The following CYP20A1 variants were observed in gnomAD, a reference collection of about 807,000 sequenced individuals.
The protein encoded by CYP20A1 is cytochrome P450 20A1.
In CYP20A1, 61 loss-of-function variants were observed where a neutral mutation model predicts 61.4. The ratio of observed to expected loss-of-function variants is 0.99; its 90% CI spans 0.81 to 1.23. The LOEUF (loss-of-function observed/expected upper bound fraction) is 1.23. Among genes scored for constraint, CYP20A1 ranks in the 50% most tolerant of loss-of-function variants. The pLI is 0.00. For synonymous variants in CYP20A1, 193 were observed against 188.2 expected, an observed-to-expected ratio of 1.03 and a Z score of -0.21; for missense variants, 530 against 542.4, an observed-to-expected ratio of 0.98 and a Z score of 0.23.
At position 203,290,706 on chromosome 2, in the gene CYP20A1, A is replaced by G. The variant is rs111564072; in HGVS notation, c.1083+830A>G. 7.4e-4 allele frequency among the ~76,000 whole-genome samples: 112 copies of G among 151,972 alleles called. 2 individuals carry two copies. The highest frequency in any genetic ancestry group is 3.4e-3 in the Middle Eastern group (1 of 292). On this transcript the variant is annotated intron_variant, in intron 10 of 12. Transcript: ENST00000356079. ...CACCCATCCTGGAGTGCAGTTGTGCAATCTTGGCTCACTGCAACCTCCGCC... is the reference window on the plus strand; with the variant it reads ...CACCCATCCTGGAGTGCAGTTGTGCGATCTTGGCTCACTGCAACCTCCGCC...
chr2:203,293,499 G>A lies in CYP20A1; in HGVS notation c.1148+1173G>A, dbSNP rs1019357461. ...CAAAGTGCAGGATTACAGCCACTGC[G>A]CCCGGCCTCTTTTTTTTTTTTTTCC... is the stretch of plus-strand genomic sequence containing the variant. On this transcript the variant is annotated intron_variant, in intron 11 of 12. Transcript: ENST00000356079. Among the ~76,000 whole-genome samples, 37 of 89,896 alleles carry A rather than the reference G, an allele frequency of 4.1e-4. No individual in the cohort carries two copies. The Admixed American group carries it at 4.7e-3, about 11-fold the overall frequency. 59.0% of individuals were successfully genotyped at this position (89,896 alleles called of 152,430 possible).
chr2:203,245,963 A>C lies in CYP20A1; in HGVS notation c.122+68A>C. The C allele has an allele frequency of 5.6e-6, 6 of 1,075,866 alleles. No homozygotes were observed. In the South Asian group the frequency reaches 7.4e-5, roughly 13 times the overall value. The allele number at this position is 1,075,866 out of a possible 1,614,324, so 66.6% of individuals were successfully genotyped here. The stretch of plus-strand genomic sequence containing the variant: ...ATTATTGATATCAAGACTAAACCAT[A>C]TTTTTAGCCAATCATGGTAGCTGTT... On this transcript the variant is annotated intron_variant, in intron 2 of 12. Transcript: ENST00000356079.
intron 3 of CYP20A1, among the ~76,000 whole-genome samples, chr2:203,249,880 C>CA (rs1199034055): frequency 6.6e-6 from 1 of 152,014 alleles, no homozygotes; most frequent in Non-Finnish European, 1.5e-5. Flanking sequence ...GAAAAATGGG[C>CA]AAAAACAAGC....
intron 1 of CYP20A1, among the ~76,000 whole-genome samples, chr2:203,242,702 G>T (rs997483215): frequency 6.6e-6 from 1 of 151,900 alleles, no homozygotes; most frequent in Non-Finnish European, 1.5e-5. Context: ...GAAGCAGGAG[G>T]ATCGCTTGAG....
At chr2:203,253,802 C>CT (rs1274643428) in intron 4 of CYP20A1, among the ~76,000 whole-genome samples, 32 of 145,930 alleles carry the variant, frequency 2.2e-4, no homozygotes, top group Middle Eastern at 3.6e-3. Context: ...TTTTCTTTTT[C>CT]TTTTTTTTTT....
chr2:203,264,025 A>G (rs1480513963), intron 4 of CYP20A1, among the ~76,000 whole-genome samples: 3 of 151,668 alleles, frequency 2.0e-5, no homozygotes, highest in Non-Finnish European at 4.4e-5. Context: ...TGTTTTAGAG[A>G]CATTTCTTGC....
At position 203,304,267 on chromosome 2, in the gene CYP20A1, G is replaced by C. The variant is rs941252588; in HGVS notation, c.*7359G>C. Among the ~76,000 whole-genome samples, 3 of 152,054 alleles carry C rather than the reference G, an allele frequency of 2.0e-5. No homozygotes were observed. Among genetic ancestry groups the C allele is most frequent in the African/African-American group, 7.2e-5 (3 of 41,406 alleles). On this transcript the variant is annotated 3_prime_UTR_variant, in exon 13 of 13. Coordinates refer to ENST00000356079, the MANE Select transcript of CYP20A1 (RefSeq NM_177538.3). ...GGCTTGAGTGCAGTGGCATGATCTG[G>C]GCTCACTACAACCTCCATCTCCCCA...
chr2:203,296,292 A>G (rs1414351877), intron 11 of CYP20A1, among the ~76,000 whole-genome samples, 182 bp from the exon 12 acceptor site: 1 of 152,220 alleles, frequency 6.6e-6, no homozygotes, highest in Non-Finnish European at 1.5e-5. Flanking sequence ...AGAAACAGCA[A>G]TAGACTAAAT....
At chr2:203,296,649 A>AT (rs1226276210) in intron 12 of CYP20A1, 86 bp downstream of exon 12, 9 of 1,402,698 alleles carry the variant, frequency 6.4e-6, no homozygotes, top group South Asian at 2.7e-5. Flanking sequence ...TTAAAGTATT[A>AT]TTTTTTTATT....
chr2:203,274,289 G>A (rs1575228864), intron 6 of CYP20A1, among the ~76,000 whole-genome samples: 4 of 151,484 alleles, frequency 2.6e-5, no homozygotes, highest in Admixed American at 2.6e-4. Flanking sequence ...GGATTCAAGC[G>A]ATTCTTCTGC....
chr2:203,303,144 G>A lies in CYP20A1; in HGVS notation c.*6236G>A, dbSNP rs1172345251. On this transcript the variant is annotated 3_prime_UTR_variant, in exon 13 of 13. Transcript: ENST00000356079. Reference sequence around the variant, plus strand: ...GCCTCCTGAGTAGCTGAGACTACGGGTATGTGCCACTACACTCAGCTAATT... The same window carrying A: ...GCCTCCTGAGTAGCTGAGACTACGGATATGTGCCACTACACTCAGCTAATT... Among the ~76,000 whole-genome samples, 7 of 151,848 alleles carry A rather than the reference G, an allele frequency of 4.6e-5. No homozygotes were observed. The highest frequency in any genetic ancestry group is 1.7e-4 in the African/African-American group (7 of 41,330).
rs2067323476 is a variant in CYP20A1, at chr2:203,266,368, T to TA, written c.433-145dup. The TA allele has an allele frequency of 4.6e-6, 3 of 650,176 alleles. No homozygotes were observed. In the Admixed American group the frequency reaches 8.2e-5, roughly 18 times the overall value. 40.3% of individuals were successfully genotyped at this position (650,176 alleles called of 1,614,324 possible). A position where few individuals can be genotyped will look rare whatever the true frequency, so the allele number is the denominator to read the frequency against. ...TTGAGGATGCAATTATAGGTGGAGC[T>TA]AGTGTTAGTCTGACAGATTCGTACC... On this transcript the variant is annotated intron_variant, in intron 4 of 12. Transcript: ENST00000356079.
Position 203,296,890 on chromosome 2 carries a change from T to G in CYP20A1, c.1371T>G (p.Thr457=). The change falls in exon 13 of 13, where the codon ACT becomes ACG. Residue 457 remains threonine (T), a synonymous_variant. Transcript: ENST00000356079. ...VTSSREEAWI[T]VSKRY ...CATCAAGGGAAGAAGCTTGGATCAC[T>G]GTCTCAAAGAGATATTAAAATTTTA... 6.3e-7 allele frequency: 1 copy of G among 1,583,456 alleles called. No individual in the cohort carries two copies. Among genetic ancestry groups the G allele is most frequent in the South Asian group, 1.2e-5 (1 of 85,930 alleles).
rs1178210801 is a variant in CYP20A1, at chr2:203,300,263, A to G, written c.*3355A>G. Among the ~76,000 whole-genome samples, 1 of 152,238 alleles carries G rather than the reference A, an allele frequency of 6.6e-6. No homozygotes were observed. The highest frequency in any genetic ancestry group is 1.5e-5 in the Non-Finnish European group (1 of 68,030). ...TGTTTTATCCATAGTTACATGACTAACAAATGATTAAAAAGAAGTTATTCT... is the reference window on the plus strand; with the variant it reads ...TGTTTTATCCATAGTTACATGACTAGCAAATGATTAAAAAGAAGTTATTCT... On this transcript the variant is annotated 3_prime_UTR_variant, in exon 13 of 13. Coordinates refer to ENST00000356079, the MANE Select transcript of CYP20A1 (RefSeq NM_177538.3).
intron 5 of CYP20A1, among the ~76,000 whole-genome samples, chr2:203,268,539 T>C (rs1278134535): frequency 6.6e-6 from 1 of 152,180 alleles, no homozygotes; most frequent in African/African-American, 2.4e-5. Flanking sequence ...TACTAAAAGC[T>C]GTCAAAGGAA....
intron 4 of CYP20A1, among the ~76,000 whole-genome samples, chr2:203,258,003 G>GTGCAGTGGCACAAGTATA: frequency 6.6e-6 from 1 of 151,448 alleles, no homozygotes; most frequent in Non-Finnish European, 1.5e-5. Flanking sequence ...CTGGGCTGAA[G>GTGCAGTGGCACAAGTATA]GGATCCTCCT....
At chr2:203,290,359 A>G (rs1409699327) in intron 10 of CYP20A1, among the ~76,000 whole-genome samples, 1 of 152,198 alleles carries the variant, frequency 6.6e-6, no homozygotes, top group Non-Finnish European at 1.5e-5. Context: ...AAGCAATATA[A>G]AAGTCTTCCT....
chr2:203,239,085 C>T lies in CYP20A1; in HGVS notation c.23C>T (p.Ala8Val). The T allele has an allele frequency of 5.0e-6, 8 of 1,613,760 alleles. No individual in the cohort carries two copies. The highest frequency in any genetic ancestry group is 6.8e-6 in the Non-Finnish European group (8 of 1,179,844). The change falls in exon 1 of 13, where the codon GCC (alanine) becomes GTC (valine). Residue 8 changes from alanine (A) to valine (V), a missense_variant. Coordinates refer to ENST00000356079, the MANE Select transcript of CYP20A1 (RefSeq NM_177538.3). MLDFAIF[A>V]VTFLLALVGA... ...ACCATGTTGGACTTCGCGATCTTCG[C>T]CGTTACCTTCTTGCTGGCGTTGGTG... is the stretch of plus-strand genomic sequence containing the variant.
At position 203,296,472 on chromosome 2, in the gene CYP20A1, A is replaced by G. The variant is rs781406484; in HGVS notation, c.1149-2A>G. The stretch of plus-strand genomic sequence containing the variant: ...GTGATTAACCTCAAATTTTCTTTGT[A>G]GGTTTGATCCAGATCGGTTTGATGA... On this transcript the variant is annotated splice_acceptor_variant, in intron 11 of 12. Coordinates refer to ENST00000356079, the MANE Select transcript of CYP20A1 (RefSeq NM_177538.3). LOFTEE classifies it high-confidence loss of function. 1 of 1,605,258 alleles carries G rather than the reference A, an allele frequency of 6.2e-7. No individual in the cohort carries two copies. The highest frequency in any genetic ancestry group is 8.5e-7 in the Non-Finnish European group (1 of 1,174,380).
Sources: gnomAD v4.1 joint callset for allele counts (sites outside exome capture counted in the v4.1 genomes callset) on GRCh38, gnomAD v4.1.1 for gene constraint, MANE v1.5 for transcripts, NCBI Gene and HGNC (gene_info 2026-07-23, HGNC 2026-07-21) for gene names.